TMEFF2: variants seen among roughly 807,000 people sequenced by gnomAD.
TMEFF2 encodes tomoregulin-2.
TMEFF2 carries 28 observed loss-of-function variants against 53.8 expected under a neutral mutation model. The observed-to-expected ratio is 0.52, with a 90% CI of 0.39 to 0.71. The LOEUF (loss-of-function observed/expected upper bound fraction) is 0.71. TMEFF2 is among the 30% of genes least tolerant of loss of function. The pLI, the probability that TMEFF2 is intolerant of heterozygous loss-of-function variation, is 0.00. For missense variants in TMEFF2, 353 were observed against 455.2 expected, an observed-to-expected ratio of 0.78 and a Z score of 2.04; for synonymous variants, 162 against 166.3, an observed-to-expected ratio of 0.97 and a Z score of 0.20.
intron 4 of TMEFF2, among the ~76,000 whole-genome samples, chr2:192,117,271 G>C (rs930703395): frequency 7.9e-5 from 12 of 152,088 alleles, no homozygotes; most frequent in Admixed American, 7.2e-4. Flanking sequence ...TTATTTCTGA[G>C]ACCTATAATC....
chr2:192,159,743 C>T (rs1005555692), intron 4 of TMEFF2, among the ~76,000 whole-genome samples: 5 of 152,098 alleles, frequency 3.3e-5, no homozygotes, highest in African/African-American at 4.8e-5. Flanking sequence ...CACCTCATTG[C>T]CCTGCTTCAG....
At position 191,954,179 on chromosome 2, in the gene TMEFF2, G is replaced by A. The variant is rs189976006; in HGVS notation, c.870-342C>T. On this transcript the variant is annotated intron_variant, in intron 8 of 9. Coordinates refer to ENST00000272771, the MANE Select transcript of TMEFF2 (RefSeq NM_016192.4). ...TGGGATTACAGGCGTGAGCCACCGC[G>A]CCCGGCCTGCATTCATTTTTATAGT... 5.1e-3 allele frequency among the ~76,000 whole-genome samples: 774 copies of A among 152,150 alleles called. 5 individuals carry two copies. The highest frequency in any genetic ancestry group is 7.6e-3 in the Non-Finnish European group (519 of 68,000).
chr2:191,964,394 CTTTCTCTTTCTTTCTTTCTT>C (rs1559063726), intron 7 of TMEFF2, among the ~76,000 whole-genome samples: 1,082 of 62,054 alleles, frequency 0.017, 36 homozygotes, highest in African/African-American at 0.052. Context: ...TTCTTTCTTT[CTTTCTCTTTCTTTCTTTCTT>C]TCTTTCTTTC....
intron 7 of TMEFF2, among the ~76,000 whole-genome samples, chr2:191,970,743 C>T (rs1280872091): frequency 6.6e-6 from 1 of 151,854 alleles, no homozygotes; most frequent in African/African-American, 2.4e-5. Flanking sequence ...CAATCAAACT[C>T]ATATTGATAG....
At chr2:191,980,040 G>A (rs1449808604) in intron 7 of TMEFF2, among the ~76,000 whole-genome samples, 3 of 152,070 alleles carry the variant, frequency 2.0e-5, no homozygotes, top group Non-Finnish European at 4.4e-5. Context: ...AGTCTTATTC[G>A]TTTACTCAAC....
intron 5 of TMEFF2, among the ~76,000 whole-genome samples, chr2:192,008,129 T>C (rs1283945043): frequency 6.6e-6 from 1 of 152,174 alleles, no homozygotes; most frequent in African/African-American, 2.4e-5. Flanking sequence ...AGTGACAGCA[T>C]GCAAGCACCC....
intron 7 of TMEFF2, 32 bp from the exon 8 acceptor site, chr2:191,956,410 G>C (rs776097390): frequency 1.2e-6 from 2 of 1,603,580 alleles, no homozygotes; most frequent in Non-Finnish European, 1.7e-6. Flanking sequence ...AGCACCCCCT[G>C]TAAATACTTA....
At chr2:192,179,616 C>T in intron 4 of TMEFF2, 52 bp downstream of exon 4, 2 of 1,515,594 alleles carry the variant, frequency 1.3e-6, no homozygotes, top group East Asian at 2.4e-5. Flanking sequence ...AGTAAATATA[C>T]ATAATAATAT....
chr2:192,011,985 C>G (rs1686638580), intron 5 of TMEFF2, among the ~76,000 whole-genome samples: 1 of 152,084 alleles, frequency 6.6e-6, no homozygotes, highest in African/African-American at 2.4e-5. Context: ...CTCCCAAGTT[C>G]TCGCCATTCT....
chr2:192,022,819 C>G (rs1686887047), intron 5 of TMEFF2, among the ~76,000 whole-genome samples: 1 of 151,986 alleles, frequency 6.6e-6, no homozygotes, highest in Admixed American at 6.6e-5. Flanking sequence ...ATAATACTTA[C>G]TCTTTATTGG....
At chr2:192,147,224 G>T (rs1226871772) in intron 4 of TMEFF2, among the ~76,000 whole-genome samples, 1 of 152,016 alleles carries the variant, frequency 6.6e-6, no homozygotes, top group African/African-American at 2.4e-5. Flanking sequence ...TTAAATCACA[G>T]TGGGTATATA....
At chr2:192,193,112 T>C (rs10497727) in intron 1 of TMEFF2, among the ~76,000 whole-genome samples, 36,610 of 152,202 alleles carry the variant, frequency 0.24, 5,356 homozygotes, top group Middle Eastern at 0.35. Flanking sequence ...TGAGTTACAG[T>C]TGGTCATTCC....
chr2:192,099,718 C>T (rs958155848), intron 4 of TMEFF2, among the ~76,000 whole-genome samples: 3 of 151,368 alleles, frequency 2.0e-5, no homozygotes, highest in East Asian at 1.9e-4. Flanking sequence ...CAAACTTGCA[C>T]AAATAGCTAG....
chr2:192,003,770 T>A (rs1406495567), intron 5 of TMEFF2, among the ~76,000 whole-genome samples: 2 of 152,222 alleles, frequency 1.3e-5, no homozygotes, highest in East Asian at 3.8e-4. Flanking sequence ...TATAGCTCAA[T>A]GAACTCTACT....
intron 4 of TMEFF2, among the ~76,000 whole-genome samples, chr2:192,122,324 CA>C (rs1282308605): frequency 6.6e-6 from 1 of 152,112 alleles, no homozygotes; most frequent in African/African-American, 2.4e-5. Context: ...AGGAAATATA[CA>C]AGAGAAATAT....
At chr2:192,187,370 A>G (rs1691339891) in intron 2 of TMEFF2, among the ~76,000 whole-genome samples, 1 of 152,198 alleles carries the variant, frequency 6.6e-6, no homozygotes, top group African/African-American at 2.4e-5. Context: ...GCTTTGTATG[A>G]TATGTATTTT....
intron 7 of TMEFF2, among the ~76,000 whole-genome samples, chr2:191,983,585 G>A (rs1488619606): frequency 6.6e-6 from 1 of 152,152 alleles, no homozygotes; most frequent in Non-Finnish European, 1.5e-5. Flanking sequence ...CTGGTAGAAT[G>A]ATTATAACAT....
intron 4 of TMEFF2, among the ~76,000 whole-genome samples, chr2:192,117,502 A>G (rs1689441552): frequency 6.6e-6 from 1 of 152,144 alleles, no homozygotes; most frequent in Non-Finnish European, 1.5e-5. Context: ...ACTTAAGTTA[A>G]AAAGAAAATT....
At chr2:192,146,025 C>T (rs1022501089) in intron 4 of TMEFF2, among the ~76,000 whole-genome samples, 1 of 151,944 alleles carries the variant, frequency 6.6e-6, no homozygotes, top group African/African-American at 2.4e-5. Flanking sequence ...CACGTTTACT[C>T]CTGTGTTTAC....
Sources: gnomAD v4.1 joint callset for allele counts (sites outside exome capture counted in the v4.1 genomes callset) on GRCh38, gnomAD v4.1.1 for gene constraint, MANE v1.5 for transcripts, NCBI Gene and HGNC (gene_info 2026-07-23, HGNC 2026-07-21) for gene names.